The following ANAPC5 variants were observed in gnomAD, a reference collection of about 807,000 sequenced individuals.
The protein encoded by ANAPC5 is anaphase promoting complex subunit 5, also known as anaphase-promoting complex subunit 5.
Under a neutral mutation model 91.3 loss-of-function variants are expected in ANAPC5, and 60 were observed. The ratio of observed to expected loss-of-function variants is 0.66; its 90% CI spans 0.53 to 0.81. ANAPC5 has a LOEUF of 0.81. Ranked by LOEUF, ANAPC5 falls within the 40% of genes least tolerant of loss-of-function variation. The pLI is 0.00. For missense variants in ANAPC5, 690 were observed against 931.5 expected, an observed-to-expected ratio of 0.74 and a Z score of 3.37; for synonymous variants, 340 against 364.1, an observed-to-expected ratio of 0.93 and a Z score of 0.75.
chr12:121,335,831 C>T (rs1262654891), intron 6 of ANAPC5, 108 bp from the exon 7 acceptor site: 2 of 863,804 alleles, frequency 2.3e-6, no homozygotes, highest in East Asian at 5.6e-5. Context: ...CCATACCCTT[C>T]TAATAAGATG....
chr12:121,308,476 C>G lies in ANAPC5; in HGVS notation c.*4G>C. On this transcript the variant is annotated 3_prime_UTR_variant, in exon 17 of 17. Transcript: ENST00000261819. ...TGCACAGCAGCCCAGCAGGGATGTC[C>G]TCTCTAGAGATGGTTTATCAAGGGT... 1 of 1,613,550 alleles carries G rather than the reference C, an allele frequency of 6.2e-7. No homozygotes were observed. The highest frequency in any genetic ancestry group is 8.5e-7 in the Non-Finnish European group (1 of 1,179,822).
chr12:121,337,280 GAA>G lies in ANAPC5; in HGVS notation c.759+9_759+10del. The G allele has an allele frequency of 6.2e-7, 1 of 1,606,274 alleles. No homozygotes were observed. Among genetic ancestry groups the G allele is most frequent in the Non-Finnish European group, 8.5e-7 (1 of 1,174,188 alleles). ...TTTCCAACACAGCAACAAATTCTGG[GAA>G]AGACTTACCGCTTCAGCAAAATCAG... On this transcript the variant is annotated intron_variant, in intron 6 of 16. Transcript: ENST00000261819.
chr12:121,315,641 GTTTTC>G (rs896976323), intron 15 of ANAPC5, among the ~76,000 whole-genome samples: 10 of 152,102 alleles, frequency 6.6e-5, no homozygotes, highest in African/African-American at 2.4e-4. Flanking sequence ...ACGATCAGTT[GTTTTC>G]TTTTTTTTCT....
intron 11 of ANAPC5, among the ~76,000 whole-genome samples, chr12:121,325,936 C>G (rs1566185576): frequency 1.3e-5 from 2 of 152,148 alleles, no homozygotes; most frequent in South Asian, 2.1e-4. Flanking sequence ...TCCAAGGCAC[C>G]AGGAAAGGAA....
rs1419088469 is a variant in ANAPC5, at chr12:121,309,783, C to G, written c.1974G>C (p.Leu658=). 1 of 1,614,052 alleles carries G rather than the reference C, an allele frequency of 6.2e-7. No homozygotes were observed. The highest frequency in any genetic ancestry group is 1.3e-5 in the African/African-American group (1 of 74,906). The change falls in exon 16 of 17, where the codon CTG becomes CTC. Residue 658 remains leucine (L), a synonymous_variant. Transcript: ENST00000261819. ...CTAAGAACATGGCACGACCTTTGTC[C>G]AGGATAGCCCCGTCAGCCAAGATGG... ...IEPILADGAI[L]DKGRAMFLVA...
At chr12:121,340,759 A>G (rs945331752) in intron 5 of ANAPC5, among the ~76,000 whole-genome samples, 1 of 151,438 alleles carries the variant, frequency 6.6e-6, no homozygotes, top group Non-Finnish European at 1.5e-5. Context: ...ACAGGGTTTC[A>G]CCATGTTGGT....
At chr12:121,350,981 G>GT (rs1903866956) in intron 1 of ANAPC5, 1 of 379,638 alleles carries the variant, frequency 2.6e-6, no homozygotes, top group Non-Finnish European at 5.2e-6. Context: ...GCTAGTAACA[G>GT]TTTCTACTAT....
chr12:121,320,393 GCTGA>G lies in ANAPC5; in HGVS notation c.1503_1506del (p.Gln502ThrfsTer18), dbSNP rs750840389. The G allele has an allele frequency of 6.2e-6, 10 of 1,613,442 alleles. No homozygotes were observed. The highest frequency in any genetic ancestry group is 8.5e-6 in the Non-Finnish European group (10 of 1,179,488). ...TGCAAAAGGCAGATTACCTGGGCGTGCTGACTATTAGGCGGAAATCGTTCCTTCA... is the reference window on the plus strand; with the variant it reads ...TGCAAAAGGCAGATTACCTGGGCGTGCTATTAGGCGGAAATCGTTCCTTCA... On this transcript the variant is annotated frameshift_variant, in exon 12 of 17. Coordinates refer to ENST00000261819, the MANE Select transcript of ANAPC5 (RefSeq NM_016237.5). LOFTEE classifies it high-confidence loss of function.
intron 1 of ANAPC5, among the ~76,000 whole-genome samples, chr12:121,350,410 G>T (rs1306038127): frequency 6.6e-6 from 1 of 152,132 alleles, no homozygotes; most frequent in African/African-American, 2.4e-5. Flanking sequence ...GGCCGGGCGC[G>T]GTGGCTCATG....
At chr12:121,320,095 A>G (rs1219456326) in intron 12 of ANAPC5, among the ~76,000 whole-genome samples, 4 of 152,170 alleles carry the variant, frequency 2.6e-5, no homozygotes, top group African/African-American at 9.7e-5. Flanking sequence ...TCCTTTGCAA[A>G]TTCTACGTCT....
At chr12:121,344,997 A>G (rs138931971) in intron 4 of ANAPC5, among the ~76,000 whole-genome samples, 2 of 152,330 alleles carry the variant, frequency 1.3e-5, no homozygotes, top group Non-Finnish European at 2.9e-5. Flanking sequence ...ACAGGAGTTA[A>G]GTCAAGGAGA....
intron 16 of ANAPC5, among the ~76,000 whole-genome samples, chr12:121,309,017 C>T (rs1902052698): frequency 1.3e-5 from 2 of 151,808 alleles, no homozygotes; most frequent in Non-Finnish European, 1.5e-5. Flanking sequence ...GGTGTGGTGG[C>T]AGGCACCTGT....
At chr12:121,330,350 A>T (rs1902997886) in intron 9 of ANAPC5, among the ~76,000 whole-genome samples, 1 of 152,248 alleles carries the variant, frequency 6.6e-6, no homozygotes, top group Non-Finnish European at 1.5e-5. Flanking sequence ...CTCTTATCAA[A>T]TTGGTAAAGG....
chr12:121,337,637 A>AC (rs1482094873), intron 5 of ANAPC5, among the ~76,000 whole-genome samples: 2 of 151,414 alleles, frequency 1.3e-5, no homozygotes, highest in Non-Finnish European at 2.9e-5. Context: ...CAAGCCTCCC[A>AC]CCCATCGCTC....
At chr12:121,344,807 G>A (rs1267014397) in intron 4 of ANAPC5, among the ~76,000 whole-genome samples, 18 of 152,060 alleles carry the variant, frequency 1.2e-4, no homozygotes, top group African/African-American at 3.6e-4. Context: ...TGAGAGTGAA[G>A]GAGAAAATAA....
intron 2 of ANAPC5, chr12:121,347,587 C>A: frequency 3.8e-6 from 2 of 528,532 alleles, no homozygotes; most frequent in Non-Finnish European, 6.7e-6. Flanking sequence ...GCCCTGATTG[C>A]ACCATTGTAC....
intron 15 of ANAPC5, chr12:121,318,030 T>C (rs2136763456): frequency 3.0e-6 from 1 of 335,970 alleles, no homozygotes; most frequent in East Asian, 4.6e-5. Context: ...GTGTTCTCAC[T>C]GAAGAGGCGA....
At chr12:121,326,104 G>A (rs892724916) in intron 11 of ANAPC5, among the ~76,000 whole-genome samples, 11 of 152,160 alleles carry the variant, frequency 7.2e-5, no homozygotes, top group Non-Finnish European at 1.6e-4. Context: ...AGCTGGCAAA[G>A]GCGCCGTGGA....
At chr12:121,354,022 T>C (rs1418993704), upstream of ANAPC5, among the ~76,000 whole-genome samples, 2 of 148,500 alleles carry the variant, frequency 1.3e-5, no homozygotes, top group Admixed American at 1.4e-4. Context: ...GGAGTCTTGC[T>C]CTGTCGCCCA....
Sources: allele counts gnomAD v4.1 joint callset (sites outside exome capture counted in the v4.1 genomes callset), GRCh38; gene constraint gnomAD v4.1.1; transcripts MANE v1.5; gene names NCBI Gene and HGNC (gene_info 2026-07-23, HGNC 2026-07-21).